RELN: variants seen among roughly 807,000 people sequenced by gnomAD.
RELN encodes the protein reelin.
Under a neutral mutation model 427.6 loss-of-function variants are expected in RELN, and 108 were observed. That is an observed-to-expected ratio of 0.25 (90% CI 0.22 to 0.30). RELN has a LOEUF of 0.30. Among genes scored for constraint, RELN ranks in the 10% least tolerant of loss-of-function variants. RELN has a pLI of 1.00. For missense variants in RELN, 3,715 were observed against 4,302.8 expected, an observed-to-expected ratio of 0.86 and a Z score of 3.82; for synonymous variants, 1,524 against 1,513.4, an observed-to-expected ratio of 1.01 and a Z score of -0.16.
chr7:103,847,186 T>C (rs889374033), intron 2 of RELN, among the ~76,000 whole-genome samples: 2 of 152,120 alleles, frequency 1.3e-5, no homozygotes, highest in East Asian at 1.9e-4. Flanking sequence ...TCATCAATGA[T>C]AGACTGGATA....
chr7:103,847,758 AT>A (rs1294814557), intron 2 of RELN, among the ~76,000 whole-genome samples: 1 of 152,062 alleles, frequency 6.6e-6, no homozygotes, highest in African/African-American at 2.4e-5. Context: ...CATGGCTTGT[AT>A]TTATATCTCT....
chr7:103,539,431 T>A (rs948886759), intron 44 of RELN, 104 bp from the exon 45 acceptor site: 1 of 1,196,496 alleles, frequency 8.4e-7, no homozygotes, highest in Non-Finnish European at 1.2e-6. Context: ...TCTGTTGGCC[T>A]GCTCAGAACT....
chr7:103,521,972 G>A, intron 48 of RELN, 50 bp downstream of exon 48: 1 of 1,581,918 alleles, frequency 6.3e-7, no homozygotes, highest in Non-Finnish European at 8.7e-7. Context: ...CAACTATTTG[G>A]AAGGAACTTA....
chr7:103,752,153 C>G (rs538291213), intron 5 of RELN, among the ~76,000 whole-genome samples: 5 of 152,112 alleles, frequency 3.3e-5, no homozygotes, highest in African/African-American at 1.2e-4. Flanking sequence ...ATTCCTTATA[C>G]CAACCCTATG....
chr7:103,875,333 G>T (rs982734677), intron 2 of RELN, among the ~76,000 whole-genome samples: 1 of 151,156 alleles, frequency 6.6e-6, no homozygotes, highest in Non-Finnish European at 1.5e-5. Flanking sequence ...AAAAGCAATG[G>T]CAACAAAAGC....
At chr7:103,771,358 C>T (rs1018821199) in intron 4 of RELN, among the ~76,000 whole-genome samples, 2 of 152,064 alleles carry the variant, frequency 1.3e-5, no homozygotes, top group African/African-American at 2.4e-5. Flanking sequence ...TGCCTCTTCT[C>T]CAGAGTTCCC....
chr7:103,583,336 C>T lies in RELN; in HGVS notation c.4145+6260G>A, dbSNP rs145762046. Among the ~76,000 whole-genome samples, 531 of 152,264 alleles carry T rather than the reference C, an allele frequency of 3.5e-3. 3 individuals are homozygous for T. Among genetic ancestry groups the T allele is most frequent in the African/African-American group, 0.012 (512 of 41,560 alleles). On this transcript the variant is annotated intron_variant, in intron 28 of 64. Coordinates refer to ENST00000428762, the MANE Select transcript of RELN (RefSeq NM_005045.4). Reference sequence around the variant, plus strand: ...GAACCAATTTCCCCTAAAAAAATCCCCTCTCATGTATCTACATATATAGAT... The same window carrying T: ...GAACCAATTTCCCCTAAAAAAATCCTCTCTCATGTATCTACATATATAGAT...
At chr7:103,677,448 AT>A (rs1446657908) in intron 11 of RELN, among the ~76,000 whole-genome samples, 6 of 144,550 alleles carry the variant, frequency 4.2e-5, no homozygotes, top group Non-Finnish European at 6.1e-5. Flanking sequence ...AATAATAATA[AT>A]AATAAAAAGA....
At chr7:103,850,446 G>A (rs775260695) in intron 2 of RELN, among the ~76,000 whole-genome samples, 12 of 152,192 alleles carry the variant, frequency 7.9e-5, no homozygotes, top group Non-Finnish European at 1.6e-4. Context: ...AAAGCCCTGG[G>A]AGCTCGCTGG....
intron 6 of RELN, among the ~76,000 whole-genome samples, chr7:103,740,441 C>A (rs1035274229): frequency 6.6e-6 from 1 of 152,142 alleles, no homozygotes; most frequent in Non-Finnish European, 1.5e-5. Context: ...GAAATTTTAA[C>A]CACATAAATT....
At position 103,743,371 on chromosome 7, in the gene RELN, C is replaced by A. The variant is rs577096073; in HGVS notation, c.656+6055G>T. Among the ~76,000 whole-genome samples, 12 of 152,240 alleles carry A rather than the reference C, an allele frequency of 7.9e-5. No individual in the cohort carries two copies. In the East Asian group the frequency reaches 2.1e-3, roughly 27 times the overall value. On this transcript the variant is annotated intron_variant, in intron 6 of 64. Transcript: ENST00000428762. Reference sequence around the variant, plus strand: ...TGCACCAACTAACAAGCAAAATAACCAGCTAACATCATAATGACAGAATCA... The same window carrying A: ...TGCACCAACTAACAAGCAAAATAACAAGCTAACATCATAATGACAGAATCA...
At position 103,607,606 on chromosome 7, in the gene RELN, C is replaced by T. The variant is rs140948716; in HGVS notation, c.3008+3089G>A. Among the ~76,000 whole-genome samples the T allele has an allele frequency of 5.6e-3, 849 of 152,264 alleles. 3 individuals are homozygous for T. Among genetic ancestry groups the T allele is most frequent in the Non-Finnish European group, 8.5e-3 (579 of 68,002 alleles). On this transcript the variant is annotated intron_variant, in intron 22 of 64. Coordinates refer to ENST00000428762, the MANE Select transcript of RELN (RefSeq NM_005045.4). ...ACTTGCATTTAAAATCTAAACTCTC[C>T]GGATTCCCCAAAGCAACAAAACTTG...
At position 103,796,820 on chromosome 7, in the gene RELN, C is replaced by T. The variant is rs1245639863; in HGVS notation, c.474-20193G>A. Among the ~76,000 whole-genome samples the T allele has an allele frequency of 3.4e-5, 5 of 148,892 alleles. No homozygotes were observed. In the East Asian group the frequency reaches 6.1e-4, roughly 18 times the overall value. ...AGGTTGCAGTGAGCCAAGATTGCCC[C>T]GCTGCACTGCAGCCCAGCCCAGGCA... On this transcript the variant is annotated intron_variant, in intron 3 of 64. Coordinates refer to ENST00000428762, the MANE Select transcript of RELN (RefSeq NM_005045.4).
chr7:103,512,548 A>G (rs1489502743), intron 50 of RELN, among the ~76,000 whole-genome samples: 1 of 152,204 alleles, frequency 6.6e-6, no homozygotes, highest in African/African-American at 2.4e-5. Flanking sequence ...GTGTCTAAAG[A>G]AAACCTAAGT....
In RELN at chr7:103,523,454, T is replaced by C. The variant is rs760968086; in HGVS notation, c.7427A>G (p.Tyr2476Cys). 1.9e-6 allele frequency: 3 copies of C among 1,614,096 alleles called. No individual in the cohort carries two copies. Among genetic ancestry groups the C allele is most frequent in the South Asian group, 1.1e-5 (1 of 91,078 alleles). The stretch of plus-strand genomic sequence containing the variant: ...CATGTCTATGCAGCCATCCCCGATA[T>C]AGACATTATCTATTGCCCATGTCTG... ...KQQTWAIDNV[Y>C]IGDGCIDMCS... The change falls in exon 47 of 65, where the codon TAT becomes TGT. Residue 2476 changes from tyrosine to cysteine, a missense_variant. Physicochemically the swap from Tyr to Cys is radical, Grantham distance 194. Around this residue, in one of 4 missense-constraint regions of RELN, gnomAD observed 1,310 missense variants for 1,643.0 expected, o/e 0.80. Transcript: ENST00000428762.
chr7:103,608,022 A>G (rs961914925), intron 22 of RELN, among the ~76,000 whole-genome samples: 9 of 152,180 alleles, frequency 5.9e-5, no homozygotes, highest in Non-Finnish European at 1.2e-4. Flanking sequence ...CCCAAAGTTA[A>G]CAAATATGTG....
At chr7:103,950,980 G>C (rs1310777660) in intron 1 of RELN, among the ~76,000 whole-genome samples, 1 of 152,200 alleles carries the variant, frequency 6.6e-6, no homozygotes, top group African/African-American at 2.4e-5. Flanking sequence ...CCAGGCTGGA[G>C]TGCAGTGGCA....
At position 103,566,699 on chromosome 7, in the gene RELN, T is replaced by C. The variant is rs781465325; in HGVS notation, c.4649A>G (p.Asp1550Gly). 1 of 1,614,098 alleles carries C rather than the reference T, an allele frequency of 6.2e-7. No individual in the cohort carries two copies. Among genetic ancestry groups the C allele is most frequent in the Non-Finnish European group, 8.5e-7 (1 of 1,179,962 alleles). The change falls in exon 32 of 65, where the codon GAC (aspartate) becomes GGC (glycine). Residue 1550 changes from aspartate to glycine, a missense_variant. This residue lies in a region of RELN where 2,208 missense variants were observed against 2,361.7 expected (regional missense o/e 0.93). Transcript: ENST00000428762. ...GILWHLLREL[D>G]FMSFLEPQII... ...CTGTGGTTCCAGGAAGGACATGAAG[T>C]CCAACTCTCGAAGCAAATGCCAGAG...
At chr7:103,731,128 A>G (rs1178516230) in intron 6 of RELN, among the ~76,000 whole-genome samples, 1 of 152,156 alleles carries the variant, frequency 6.6e-6, no homozygotes, top group Non-Finnish European at 1.5e-5. Flanking sequence ...CACTCATAAC[A>G]GGAGCATACA....
Sources: allele counts gnomAD v4.1 joint callset (sites outside exome capture counted in the v4.1 genomes callset), GRCh38; gene constraint gnomAD v4.1.1; regional missense constraint gnomAD v4.1.1; transcripts MANE v1.5; gene names NCBI Gene and HGNC (gene_info 2026-07-23, HGNC 2026-07-21).